The following ITGAM variants were observed in gnomAD, a reference collection of about 807,000 sequenced individuals.
ITGAM encodes the protein integrin subunit alpha M.
In ITGAM, 79 loss-of-function variants were observed where a neutral mutation model predicts 137.5. The observed-to-expected ratio is 0.57, with a 90% confidence interval of 0.48 to 0.69. The LOEUF is 0.69. Among genes scored for constraint, ITGAM ranks in the 30% least tolerant of loss-of-function variants. The pLI, the probability that ITGAM is intolerant of heterozygous loss-of-function variation, is 0.00. For synonymous variants in ITGAM, 583 were observed against 592.3 expected, an observed-to-expected ratio of 0.98 and a Z score of 0.23; for missense variants, 1,343 against 1,483.5, an observed-to-expected ratio of 0.91 and a Z score of 1.56.
chr16:31,328,984 ATG>A (rs542040663), intron 23 of ITGAM: 2 of 590,078 alleles, frequency 3.4e-6, no homozygotes, highest in Admixed American at 3.0e-5. Flanking sequence ...GTCTGTGTGC[ATG>A]TGTGTATGTG....
At chr16:31,276,607 C>A in intron 9 of ITGAM, 64 bp from the exon 10 acceptor site, 1 of 1,179,028 alleles carries the variant, frequency 8.5e-7, no homozygotes, top group Non-Finnish European at 1.2e-6. Flanking sequence ...GTTGGGATTA[C>A]AGGCGTGAGC....
At chr16:31,319,042 T>G (rs569986356) in intron 14 of ITGAM, among the ~76,000 whole-genome samples, 1 of 152,334 alleles carries the variant, frequency 6.6e-6, no homozygotes, top group Admixed American at 6.5e-5. Context: ...GTTTTTAGTT[T>G]CATTCCATTG....
chr16:31,325,075 A>G (rs1474563824), intron 19 of ITGAM, 44 bp downstream of exon 19: 1 of 1,528,452 alleles, frequency 6.5e-7, no homozygotes, highest in Non-Finnish European at 8.8e-7. Context: ...AAGGACCCGT[A>G]CCATGACCCG....
chr16:31,330,972 TAGAG>T (rs913255044), intron 28 of ITGAM, among the ~76,000 whole-genome samples, 189 bp from the exon 29 acceptor site: 2 of 140,226 alleles, frequency 1.4e-5, no homozygotes, highest in Non-Finnish European at 3.1e-5. Context: ...CAGAAAGCGA[TAGAG>T]AGAGATAGAG....
rs2079875991 is a variant in ITGAM, at chr16:31,273,604, A to G, written c.858+86A>G. 7.4e-6 allele frequency: 10 copies of G among 1,354,366 alleles called. No homozygotes were observed. The South Asian group carries it at 1.1e-4, about 15-fold the overall frequency. 83.9% of individuals were successfully genotyped at this position (1,354,366 alleles called of 1,614,324 possible). On this transcript the variant is annotated intron_variant, in intron 8 of 29. Transcript: ENST00000544665. The stretch of plus-strand genomic sequence containing the variant: ...CCCTTCAATTTGCAAATATTATTAA[A>G]ATCAAAGTGACATGAGAGCTAATGC...
In ITGAM at chr16:31,324,024, T is replaced by C. The variant is rs1182348043; in HGVS notation, c.2003-375T>C. Among the ~76,000 whole-genome samples, 2 of 74,828 alleles carry C rather than the reference T, an allele frequency of 2.7e-5. No individual in the cohort carries two copies. The highest frequency in any genetic ancestry group is 3.0e-4 in the Admixed American group (2 of 6,598). 49.1% of individuals were successfully genotyped at this position (74,828 alleles called of 152,430 possible). A position where few individuals can be genotyped will look rare whatever the true frequency, so the allele number is the denominator to read the frequency against. On this transcript the variant is annotated intron_variant, in intron 16 of 29. Transcript: ENST00000544665. The surrounding 1 kb of genome is among the most constrained non-coding windows in gnomAD (Gnocchi z 4.5). ...TGAGATTCTGTCTCAAAAAAGAAAATAAAAAATAAAAAGAAAGGAAGGAAG... is the reference window on the plus strand; with the variant it reads ...TGAGATTCTGTCTCAAAAAAGAAAACAAAAAATAAAAAGAAAGGAAGGAAG...
At chr16:31,266,172 C>G in intron 5 of ITGAM, 25 bp downstream of exon 5, 1 of 1,503,010 alleles carries the variant, frequency 6.7e-7, no homozygotes, top group Non-Finnish European at 9.3e-7. Context: ...GCAGAGGGAA[C>G]AGATGCGCAG....
Position 31,265,857 on chromosome 16 carries a change from C to T in ITGAM, c.285C>T (p.Ala95=). The change falls in exon 4 of 30, where the codon GCC becomes GCT. Residue 95 remains alanine, a synonymous_variant. Transcript: ENST00000544665. ...TGTCCCTGGGCCTGTCCCTGGCAGC[C>T]ACCACCAGCCCCCCTCAGCTGCTGG... ...VNMSLGLSLA[A]TTSPPQLLAC... 6.2e-7 allele frequency: 1 copy of T among 1,613,932 alleles called. No homozygotes were observed. Among genetic ancestry groups the T allele is most frequent in the Non-Finnish European group, 8.5e-7 (1 of 1,179,976 alleles).
intron 12 of ITGAM, among the ~76,000 whole-genome samples, chr16:31,293,797 A>G (rs2080108635): frequency 6.6e-6 from 1 of 152,170 alleles, no homozygotes; most frequent in Admixed American, 6.5e-5. Context: ...CTTAATAGTA[A>G]TAGCACTGAA....
rs757438608 is a variant in ITGAM at position 31,324,542 on chromosome 16, C to T, written c.2146C>T (p.Leu716=). The change falls in exon 17 of 30, where the codon CTA becomes TTA. Residue 716 remains leucine, a synonymous_variant. Transcript: ENST00000544665. The surrounding 1 kb of genome is among the most constrained non-coding windows in gnomAD (Gnocchi z 4.5). The stretch of plus-strand genomic sequence containing the variant: ...GACCCAGACTTGTGAGACCCTGAAA[C>T]TACAGTTGCCGGTGAGCAGGCTAGT... ...GLTQTCETLK[L]QLPNCIEDPV... 8.7e-6 allele frequency: 14 copies of T among 1,609,564 alleles called. No individual in the cohort carries two copies. The Admixed American group carries it at 1.7e-4, about 19-fold the overall frequency.
intron 14 of ITGAM, among the ~76,000 whole-genome samples, chr16:31,303,272 C>CTG (rs1468293400): frequency 3.3e-5 from 5 of 152,032 alleles, no homozygotes; most frequent in Non-Finnish European, 5.9e-5. Context: ...AGCCATCCTC[C>CTG]TGCCTTGGCC....
chr16:31,303,674 G>C (rs183218851), intron 14 of ITGAM, among the ~76,000 whole-genome samples: 2 of 152,018 alleles, frequency 1.3e-5, no homozygotes, highest in Admixed American at 1.3e-4. Flanking sequence ...TTATAGTTTA[G>C]CTCCCACTTA....
rs1480766121 is a variant in ITGAM, at chr16:31,279,379, C to G, written c.1356+1270C>G. ...ACAGTGTAAAAGTGTTCCTATTTCT[C>G]CACATCCTCTCCAGCACGTGTTGTT... is the stretch of plus-strand genomic sequence containing the variant. On this transcript the variant is annotated intron_variant, in intron 12 of 29. Coordinates refer to ENST00000544665, the MANE Select transcript of ITGAM (RefSeq NM_000632.4). Among the ~76,000 whole-genome samples the G allele has an allele frequency of 2.0e-5, 3 of 152,188 alleles. No individual in the cohort carries two copies. The East Asian group carries it at 5.8e-4, about 29-fold the overall frequency.
chr16:31,313,604 A>G (rs1298248167), intron 14 of ITGAM, among the ~76,000 whole-genome samples: 1 of 152,234 alleles, frequency 6.6e-6, no homozygotes, highest in Non-Finnish European at 1.5e-5. Flanking sequence ...TATATGTACC[A>G]CATTTTCTTT....
In ITGAM at chr16:31,315,550, C is replaced by T. The variant is rs191701419; in HGVS notation, c.1708-5691C>T. Among the ~76,000 whole-genome samples, 320 of 151,978 alleles carry T rather than the reference C, an allele frequency of 2.1e-3. 4 individuals are homozygous for T. The highest frequency in any genetic ancestry group is 0.017 in the Admixed American group (257 of 15,266). ...TCAGCTCACTGCAACCTCCACCTCC[C>T]GGGTCCCAGCGATTCTCCTGCCTCA... is the stretch of plus-strand genomic sequence containing the variant. On this transcript the variant is annotated intron_variant, in intron 14 of 29. Coordinates refer to ENST00000544665, the MANE Select transcript of ITGAM (RefSeq NM_000632.4).
At chr16:31,306,624 G>A (rs1045634593) in intron 14 of ITGAM, among the ~76,000 whole-genome samples, 1 of 150,888 alleles carries the variant, frequency 6.6e-6, no homozygotes, top group African/African-American at 2.4e-5. Context: ...AGATTCTTTT[G>A]CCTCAGCCTC....
intron 14 of ITGAM, among the ~76,000 whole-genome samples, chr16:31,313,944 C>T (rs2080362915): frequency 6.6e-6 from 1 of 151,920 alleles, no homozygotes; most frequent in Admixed American, 6.6e-5. Context: ...GATGGTATCT[C>T]ATTGTGGTTT....
intron 9 of ITGAM, among the ~76,000 whole-genome samples, chr16:31,276,070 TG>T (rs1046610099): frequency 6.6e-5 from 10 of 152,192 alleles, no homozygotes; most frequent in African/African-American, 2.4e-4. Context: ...AAATGTTTGT[TG>T]AATAAAAGGA....
chr16:31,310,099 C>T (rs1437297623), intron 14 of ITGAM, among the ~76,000 whole-genome samples: 2 of 151,028 alleles, frequency 1.3e-5, no homozygotes, highest in African/African-American at 2.4e-5. Context: ...TGTGGGTAAC[C>T]CAACCTTTCT....
Sources: gnomAD v4.1 joint callset for allele counts (sites outside exome capture counted in the v4.1 genomes callset) on GRCh38, gnomAD v4.1.1 for gene constraint, Gnocchi (gnomAD v3.1) non-coding constraint, MANE v1.5 for transcripts, NCBI Gene and HGNC (gene_info 2026-07-23, HGNC 2026-07-21) for gene names.